The following PTPRD variants were observed in gnomAD, a reference collection of about 807,000 sequenced individuals.
PTPRD encodes protein tyrosine phosphatase receptor type D.
A neutral mutation model predicts 214.5 loss-of-function variants in PTPRD; 34 were observed. The ratio of observed to expected loss-of-function variants is 0.16; its 90% CI spans 0.12 to 0.21. PTPRD has a LOEUF of 0.21. Among genes scored for constraint, PTPRD ranks in the 10% least tolerant of loss-of-function variants. PTPRD has a pLI of 1.00. For missense variants in PTPRD, 2,545 were observed against 2,398.7 expected, an observed-to-expected ratio of 1.06 and a Z score of -1.27; for synonymous variants, 1,128 against 845.7, an observed-to-expected ratio of 1.33 and a Z score of -5.79.
At chr9:9,310,068 A>G (rs1275487906) in intron 9 of PTPRD, among the ~76,000 whole-genome samples, 1 of 152,186 alleles carries the variant, frequency 6.6e-6, no homozygotes, top group Non-Finnish European at 1.5e-5. Context: ...ATAAAATATT[A>G]TTCTGAAAAG....
At chr9:10,456,923 G>T (rs773809288) in intron 2 of PTPRD, among the ~76,000 whole-genome samples, 1 of 151,716 alleles carries the variant, frequency 6.6e-6, no homozygotes. Flanking sequence ...CAGTAGCTAG[G>T]AATATGAAGC....
chr9:9,070,027 C>T (rs1345149494), intron 10 of PTPRD, among the ~76,000 whole-genome samples: 1 of 152,180 alleles, frequency 6.6e-6, no homozygotes, highest in Non-Finnish European at 1.5e-5. Flanking sequence ...AAATATTTCC[C>T]TAGTTGTTTC....
chr9:9,717,001 T>G (rs958148805), intron 7 of PTPRD, among the ~76,000 whole-genome samples: 1 of 152,240 alleles, frequency 6.6e-6, no homozygotes, highest in African/African-American at 2.4e-5. Context: ...GTTGAAGTCT[T>G]TAATCCATCT....
chr9:10,556,606 A>C (rs1292470578), intron 2 of PTPRD, among the ~76,000 whole-genome samples: 1 of 152,100 alleles, frequency 6.6e-6, no homozygotes, highest in Non-Finnish European at 1.5e-5. Context: ...CTAGGCTCAA[A>C]TTTTGTTGAC....
intron 4 of PTPRD, among the ~76,000 whole-genome samples, chr9:10,001,823 C>G (rs2154093904): frequency 6.6e-6 from 1 of 152,098 alleles, no homozygotes; most frequent in East Asian, 1.9e-4. Context: ...AATGAAAAGT[C>G]TCTAGACAGT....
At chr9:10,166,537 C>G (rs2099160382) in intron 3 of PTPRD, among the ~76,000 whole-genome samples, 2 of 152,008 alleles carry the variant, frequency 1.3e-5, no homozygotes, top group South Asian at 4.1e-4. Context: ...AATGCTTCTT[C>G]TCTGGAATTT....
intron 11 of PTPRD, among the ~76,000 whole-genome samples, chr9:8,764,654 G>A (rs1229253129): frequency 6.6e-6 from 1 of 151,930 alleles, no homozygotes; most frequent in Non-Finnish European, 1.5e-5. Flanking sequence ...AATTAACCGG[G>A]TATAGTGGTG....
At chr9:10,559,229 C>CA (rs1009798545) in intron 2 of PTPRD, among the ~76,000 whole-genome samples, 2 of 152,034 alleles carry the variant, frequency 1.3e-5, no homozygotes, top group Admixed American at 1.3e-4. Flanking sequence ...TATATGCATA[C>CA]AAATTATAGT....
At chr9:10,260,960 G>A (rs1174537116) in intron 3 of PTPRD, among the ~76,000 whole-genome samples, 1 of 148,142 alleles carries the variant, frequency 6.8e-6, no homozygotes, top group Non-Finnish European at 1.5e-5. Context: ...ACATGTGTGT[G>A]TGTATATATA....
intron 9 of PTPRD, among the ~76,000 whole-genome samples, chr9:9,303,576 A>C (rs1209042647): frequency 6.6e-6 from 1 of 152,112 alleles, no homozygotes; most frequent in East Asian, 1.9e-4. Context: ...GGTTATGTGG[A>C]TTTTACTAAA....
intron 5 of PTPRD, among the ~76,000 whole-genome samples, chr9:9,902,003 G>T (rs1169864273): frequency 6.6e-6 from 1 of 152,098 alleles, no homozygotes; most frequent in South Asian, 2.1e-4. Flanking sequence ...TTCACAGTTA[G>T]TATCATATGA....
At chr9:10,567,366 A>C (rs896280349) in intron 2 of PTPRD, among the ~76,000 whole-genome samples, 7 of 148,882 alleles carry the variant, frequency 4.7e-5, no homozygotes, top group Admixed American at 4.1e-4. Flanking sequence ...TATTAGGTAA[A>C]TACTATAGCT....
At chr9:9,729,811 C>T (rs543445180) in intron 7 of PTPRD, among the ~76,000 whole-genome samples, 9 of 152,012 alleles carry the variant, frequency 5.9e-5, no homozygotes, top group Admixed American at 1.3e-4. Flanking sequence ...ATGATTCCTT[C>T]CTTTGGTCAG....
intron 12 of PTPRD, among the ~76,000 whole-genome samples, chr9:8,693,088 G>C (rs1470275422): frequency 6.6e-6 from 1 of 152,218 alleles, no homozygotes; most frequent in African/African-American, 2.4e-5. Flanking sequence ...TTAGGCCTAT[G>C]TGGTATTATG....
intron 11 of PTPRD, among the ~76,000 whole-genome samples, chr9:8,953,857 G>T (rs1472263834): frequency 6.6e-6 from 1 of 151,900 alleles, no homozygotes; most frequent in Admixed American, 6.6e-5. Context: ...ACAGATATTG[G>T]CAAGGCTGCA....
chr9:8,721,039 A>AT (rs33958683), intron 12 of PTPRD, among the ~76,000 whole-genome samples: 1,960 of 138,282 alleles, frequency 0.014, 14 homozygotes, highest in Admixed American at 0.017. Context: ...TGACCCTTGG[A>AT]TTTTTTTTTT....
At chr9:9,543,269 C>G (rs1048404335) in intron 8 of PTPRD, among the ~76,000 whole-genome samples, 1 of 151,496 alleles carries the variant, frequency 6.6e-6, no homozygotes, top group African/African-American at 2.4e-5. Context: ...TATGGGGATG[C>G]TATTCAGAAA....
At chr9:9,291,798 T>G (rs2134129965) in intron 9 of PTPRD, among the ~76,000 whole-genome samples, 1 of 150,958 alleles carries the variant, frequency 6.6e-6, no homozygotes, top group South Asian at 2.1e-4. Flanking sequence ...TTTCTCTCTT[T>G]TTTTAGGTTT....
rs972515804 is a variant in PTPRD, at chr9:9,136,370, T to C, written c.-143+46934A>G. Among the ~76,000 whole-genome samples the C allele has an allele frequency of 3.3e-5, 5 of 152,268 alleles. No homozygotes were observed. In the East Asian group the frequency reaches 5.8e-4, roughly 18 times the overall value. The stretch of plus-strand genomic sequence containing the variant: ...CATTTTTCTCTTTATTATTTACTTA[T>C]ATATGTTAATTTTTAAAAGCTGTAG... On this transcript the variant is annotated intron_variant, in intron 10 of 45. Transcript: ENST00000381196.
Sources: allele counts gnomAD v4.1 joint callset (sites outside exome capture counted in the v4.1 genomes callset), GRCh38; gene constraint gnomAD v4.1.1; transcripts MANE v1.5; gene names NCBI Gene and HGNC (gene_info 2026-07-23, HGNC 2026-07-21).